Variants in MICU3 observed in about 807,000 individuals in gnomAD.
The protein encoded by MICU3 is calcium uptake protein 3, mitochondrial.
MICU3 carries 62 observed loss-of-function variants against 66.5 expected under a neutral mutation model. That is an observed-to-expected ratio of 0.93 (90% CI 0.76 to 1.15). The LOEUF is 1.15. Among genes scored for constraint, MICU3 ranks in the 50% most tolerant of loss-of-function variants. MICU3 has a pLI of 0.00. For missense variants in MICU3, 779 were observed against 664.4 expected (o/e 1.17, Z -1.90); for synonymous variants, 308 against 240.7 (o/e 1.28, Z -2.59).
intron 1 of MICU3, among the ~76,000 whole-genome samples, chr8:17,050,005 C>T (rs1815791491): frequency 6.6e-6 from 1 of 152,108 alleles, no homozygotes; most frequent in African/African-American, 2.4e-5. Context: ...TAGTCACAAA[C>T]TATTCCATGG....
chr8:17,077,061 A>C (rs967787624), intron 3 of MICU3, among the ~76,000 whole-genome samples: 2 of 152,232 alleles, frequency 1.3e-5, no homozygotes, highest in African/African-American at 2.4e-5. Flanking sequence ...TTGATTTAGC[A>C]TATGAGTAAT....
At position 17,114,188 on chromosome 8, in the gene MICU3, T is replaced by C. The variant is rs1360730078; in HGVS notation, c.1353T>C (p.Arg451=). Residue 451 remains arginine, a synonymous_variant, in exon 12 of 15, where the codon CGT becomes CGC. Coordinates refer to ENST00000318063, the MANE Select transcript of MICU3 (RefSeq NM_181723.3). ...TGAATATGTATAACTTTGCAAGTCG[T>C]TCTATAGGGCAAGGTAAGTAATCAT... The part of the protein sequence containing the change: ...IALNMYNFAS[R]SIGQDEFKRA... The C allele has an allele frequency of 1.9e-6, 3 of 1,600,602 alleles. No homozygotes were observed. Among genetic ancestry groups the C allele is most frequent in the Non-Finnish European group, 1.7e-6 (2 of 1,169,534 alleles).
At chr8:17,056,661 G>A (rs1305914297) in intron 1 of MICU3, among the ~76,000 whole-genome samples, 1 of 152,222 alleles carries the variant, frequency 6.6e-6, no homozygotes, top group South Asian at 2.1e-4. Flanking sequence ...TCCAGATACT[G>A]TGTTGGCTCA....
intron 11 of MICU3, among the ~76,000 whole-genome samples, chr8:17,107,395 G>T (rs556510732): frequency 1.6e-4 from 24 of 152,242 alleles, no homozygotes; most frequent in Non-Finnish European, 2.9e-4. Context: ...TAGTTTATTT[G>T]AGAAAATGCC....
Position 17,048,640 on chromosome 8 carries a change from G to C in MICU3, c.382-15444G>C, listed in dbSNP as rs11995750. Among the ~76,000 whole-genome samples, 798 of 152,258 alleles carry C rather than the reference G, an allele frequency of 5.2e-3. 8 individuals are homozygous for C. Among genetic ancestry groups the C allele is most frequent in the African/African-American group, 0.018 (760 of 41,536 alleles). ...TATTTCATTTTATTTTATTGAGACA[G>C]GGATTCACTCTGTCACCCAGGCTGG... On this transcript the variant is annotated intron_variant, in intron 1 of 14. Transcript: ENST00000318063.
chr8:17,082,655 A>G (rs1049636123), intron 5 of MICU3, among the ~76,000 whole-genome samples: 3 of 152,186 alleles, frequency 2.0e-5, no homozygotes, highest in Admixed American at 6.6e-5. Context: ...AAAGGAATAC[A>G]TGAAAGAATA....
chr8:17,065,466 A>G (rs1353276481), intron 2 of MICU3, among the ~76,000 whole-genome samples: 1 of 152,160 alleles, frequency 6.6e-6, no homozygotes, highest in Non-Finnish European at 1.5e-5. Flanking sequence ...ATAGGATGAG[A>G]ATATAGATAA....
intron 9 of MICU3, among the ~76,000 whole-genome samples, chr8:17,098,990 G>A (rs1171199968): frequency 1.3e-5 from 2 of 151,718 alleles, no homozygotes; most frequent in Non-Finnish European, 3.0e-5. Flanking sequence ...GGTAGGAACA[G>A]CCAGTCAAGG....
At chr8:17,105,384 TTTCC>T (rs1563385898) in intron 10 of MICU3, 25 bp from the exon 11 acceptor site, 1 of 1,364,924 alleles carries the variant, frequency 7.3e-7, no homozygotes, top group Admixed American at 2.3e-5. Flanking sequence ...TCTTTATCTT[TTTCC>T]TTCTTTATTA....
intron 4 of MICU3, among the ~76,000 whole-genome samples, chr8:17,079,009 G>C (rs1820785830): frequency 6.6e-6 from 1 of 151,994 alleles, no homozygotes; most frequent in African/African-American, 2.4e-5. Context: ...ATACCTCATG[G>C]GAAAATACAA....
At chr8:17,035,792 T>A (rs993652708) in intron 1 of MICU3, among the ~76,000 whole-genome samples, 2 of 152,182 alleles carry the variant, frequency 1.3e-5, no homozygotes, top group African/African-American at 4.8e-5. Context: ...GATGATGTGA[T>A]AGAAAAGAAA....
chr8:17,038,791 A>G (rs1205003123), intron 1 of MICU3, among the ~76,000 whole-genome samples: 1 of 152,060 alleles, frequency 6.6e-6, no homozygotes, highest in Non-Finnish European at 1.5e-5. Flanking sequence ...GTCTCTACTG[A>G]AAGTACAAAA....
intron 8 of MICU3, 92 bp downstream of exon 8, chr8:17,090,676 G>T: frequency 1.1e-6 from 1 of 949,828 alleles, no homozygotes; most frequent in Non-Finnish European, 1.5e-6. Context: ...TATATCTGCT[G>T]TTTACTAATA....
downstream of MICU3, among the ~76,000 whole-genome samples, chr8:17,123,648 A>G (rs1803324512): frequency 6.6e-6 from 1 of 152,132 alleles, no homozygotes; most frequent in East Asian, 1.9e-4. Flanking sequence ...GAAATATCTC[A>G]CAGTTTTACT....
At chr8:17,110,061 A>G (rs1802059321) in intron 11 of MICU3, among the ~76,000 whole-genome samples, 1 of 152,192 alleles carries the variant, frequency 6.6e-6, no homozygotes, top group Non-Finnish European at 1.5e-5. Context: ...TTTGAACAGT[A>G]TATATTGTGG....
chr8:17,125,905 C>A (rs1027023949), downstream of MICU3, among the ~76,000 whole-genome samples: 5 of 152,030 alleles, frequency 3.3e-5, no homozygotes, highest in Non-Finnish European at 7.4e-5. Flanking sequence ...TGGTGCACGC[C>A]TGTAGTCCCA....
At chr8:17,036,468 AT>A (rs902785624) in intron 1 of MICU3, among the ~76,000 whole-genome samples, 20 of 152,056 alleles carry the variant, frequency 1.3e-4, no homozygotes, top group African/African-American at 4.8e-4. Flanking sequence ...CATCCTGCTG[AT>A]TGGTAGAGCC....
At chr8:17,049,246 G>A (rs1815642123) in intron 1 of MICU3, among the ~76,000 whole-genome samples, 1 of 152,190 alleles carries the variant, frequency 6.6e-6, no homozygotes, top group South Asian at 2.1e-4. Flanking sequence ...GGTAGAGCAT[G>A]AGGCAGTGAA....
intron 9 of MICU3, among the ~76,000 whole-genome samples, chr8:17,101,659 C>T (rs146792699): frequency 9.3e-4 from 141 of 151,924 alleles, no homozygotes; most frequent in African/African-American, 3.3e-3. Flanking sequence ...AAAAGGACAT[C>T]CCACACTGTA....
Sources: gnomAD v4.1 joint callset for allele counts (sites outside exome capture counted in the v4.1 genomes callset) on GRCh38, gnomAD v4.1.1 for gene constraint, MANE v1.5 for transcripts, NCBI Gene and HGNC (gene_info 2026-07-23, HGNC 2026-07-21) for gene names.